The following FRMD4A variants were observed in gnomAD, a reference collection of about 807,000 sequenced individuals.
The protein encoded by FRMD4A is FERM domain containing 4A.
Under a neutral mutation model 129.1 loss-of-function variants are expected in FRMD4A, and 29 were observed. The ratio of observed to expected loss-of-function variants is 0.22; its 90% CI spans 0.17 to 0.31. The LOEUF (loss-of-function observed/expected upper bound fraction) is 0.31, where lower values mean the gene tolerates loss of function less well. Ranked by LOEUF, FRMD4A falls within the 10% of genes least tolerant of loss-of-function variation. The pLI is 1.00. For missense variants in FRMD4A, 1,272 were observed against 1,375.8 expected (o/e 0.92, Z 1.19); for synonymous variants, 634 against 571.6 (o/e 1.11, Z -1.56).
chr10:14,167,962 C>T (rs1391926226), intron 2 of FRMD4A, among the ~76,000 whole-genome samples: 1 of 152,198 alleles, frequency 6.6e-6, no homozygotes, highest in African/African-American at 2.4e-5. Flanking sequence ...CAGAGTCCTC[C>T]AGCCTTTTGG....
intron 2 of FRMD4A, among the ~76,000 whole-genome samples, chr10:14,312,732 G>T (rs886268973): frequency 6.6e-6 from 1 of 152,138 alleles, no homozygotes; most frequent in Non-Finnish European, 1.5e-5. Flanking sequence ...CAGGTGTGGT[G>T]GTGGGCACCT....
At chr10:13,870,217 T>C (rs2131080993) in intron 2 of FRMD4A, among the ~76,000 whole-genome samples, 1 of 152,370 alleles carries the variant, frequency 6.6e-6, no homozygotes, top group East Asian at 1.9e-4. Context: ...AGTCCTGCTG[T>C]GGGTGCAGAG....
At chr10:14,003,913 C>G (rs530933098) in intron 2 of FRMD4A, among the ~76,000 whole-genome samples, 48 of 152,340 alleles carry the variant, frequency 3.2e-4, no homozygotes, top group African/African-American at 1.0e-3. Flanking sequence ...TTTTCTCTTT[C>G]CTTAACTCAT....
intron 3 of FRMD4A, among the ~76,000 whole-genome samples, chr10:13,851,553 G>A (rs1589027734): frequency 1.3e-5 from 2 of 152,006 alleles, no homozygotes; most frequent in Non-Finnish European, 2.9e-5. Flanking sequence ...ATTCTCGCAG[G>A]AGTCCAAACC....
At chr10:13,964,281 C>A (rs538802845) in intron 2 of FRMD4A, among the ~76,000 whole-genome samples, 1 of 152,086 alleles carries the variant, frequency 6.6e-6, no homozygotes, top group Non-Finnish European at 1.5e-5. Flanking sequence ...CCCCTCCCCA[C>A]TAACAAACGA....
At chr10:14,204,576 T>C (rs1270248164) in intron 2 of FRMD4A, among the ~76,000 whole-genome samples, 2 of 152,124 alleles carry the variant, frequency 1.3e-5, no homozygotes, top group Non-Finnish European at 2.9e-5. Flanking sequence ...AACTACAAAA[T>C]GAATAGATCC....
intron 2 of FRMD4A, among the ~76,000 whole-genome samples, chr10:14,257,718 G>A (rs1258014342): frequency 2.0e-5 from 3 of 152,198 alleles, no homozygotes; most frequent in Non-Finnish European, 2.9e-5. Context: ...AGCAGAAATT[G>A]GAGTGATGTG....
At chr10:13,802,631 G>A (rs564552041) in intron 4 of FRMD4A, among the ~76,000 whole-genome samples, 1 of 151,726 alleles carries the variant, frequency 6.6e-6, no homozygotes, top group Non-Finnish European at 1.5e-5. Context: ...AAAAAAAAAG[G>A]TTTTTTTTGT....
At chr10:13,871,886 C>T (rs752783558) in intron 2 of FRMD4A, among the ~76,000 whole-genome samples, 5 of 152,230 alleles carry the variant, frequency 3.3e-5, no homozygotes, top group African/African-American at 1.2e-4. Context: ...GCCACACCGC[C>T]GGGGCTTACG....
At chr10:13,778,331 C>A (rs1177523344) in intron 6 of FRMD4A, among the ~76,000 whole-genome samples, 1 of 152,150 alleles carries the variant, frequency 6.6e-6, no homozygotes, top group Non-Finnish European at 1.5e-5. Flanking sequence ...AGGAAAGAAT[C>A]TAAAAGTACC....
intron 6 of FRMD4A, among the ~76,000 whole-genome samples, chr10:13,771,571 A>G (rs2092454822): frequency 6.6e-6 from 1 of 152,220 alleles, no homozygotes; most frequent in Non-Finnish European, 1.5e-5. Context: ...TTTTCTGAGC[A>G]TCGGCTATGT....
chr10:13,741,933 C>T (rs557002395), intron 9 of FRMD4A, among the ~76,000 whole-genome samples: 9 of 152,258 alleles, frequency 5.9e-5, no homozygotes, highest in East Asian at 3.9e-4. Flanking sequence ...CTTGGCTCAC[C>T]GCAACCTCTG....
At chr10:14,317,899 A>G (rs1222342092) in intron 2 of FRMD4A, among the ~76,000 whole-genome samples, 1 of 152,198 alleles carries the variant, frequency 6.6e-6, no homozygotes, top group Non-Finnish European at 1.5e-5. Flanking sequence ...TCTGAGTTTT[A>G]ATGCATTTTC....
intron 12 of FRMD4A, among the ~76,000 whole-genome samples, chr10:13,712,379 T>G (rs1438464989): frequency 6.6e-6 from 1 of 151,964 alleles, no homozygotes; most frequent in African/African-American, 2.4e-5. Context: ...CCAGGTGTAG[T>G]GGCACGCGCC....
At chr10:14,135,673 A>G (rs1433251775) in intron 2 of FRMD4A, among the ~76,000 whole-genome samples, 1 of 152,268 alleles carries the variant, frequency 6.6e-6, no homozygotes, top group Non-Finnish European at 1.5e-5. Flanking sequence ...AAAAACATAT[A>G]TGACTATGAA....
At chr10:13,846,028 C>A (rs886122834) in intron 3 of FRMD4A, among the ~76,000 whole-genome samples, 2 of 152,164 alleles carry the variant, frequency 1.3e-5, no homozygotes, top group Non-Finnish European at 2.9e-5. Flanking sequence ...CCAATTTCCT[C>A]ATCTGAAAAA....
intron 2 of FRMD4A, among the ~76,000 whole-genome samples, chr10:14,323,929 C>T (rs1284534337): frequency 6.6e-6 from 1 of 152,158 alleles, no homozygotes; most frequent in Non-Finnish European, 1.5e-5. Flanking sequence ...GAAGAATCTG[C>T]CAGAAAATGA....
intron 2 of FRMD4A, among the ~76,000 whole-genome samples, chr10:14,174,917 G>A (rs985326232): frequency 1.3e-5 from 2 of 150,320 alleles, no homozygotes; most frequent in Admixed American, 1.3e-4. Context: ...GTGTGTGTGT[G>A]TGGACGCGCG....
intron 2 of FRMD4A, among the ~76,000 whole-genome samples, chr10:13,985,325 C>G (rs373714228): frequency 3.3e-5 from 5 of 152,310 alleles, no homozygotes; most frequent in South Asian, 2.1e-4. Context: ...CAGCTGGTCT[C>G]TCTACTCAGG....
Sources: gnomAD v4.1 joint callset for allele counts (sites outside exome capture counted in the v4.1 genomes callset) on GRCh38, gnomAD v4.1.1 for gene constraint, MANE v1.5 for transcripts, NCBI Gene and HGNC (gene_info 2026-07-23, HGNC 2026-07-21) for gene names.